FRMD6: variants seen among roughly 807,000 people sequenced by gnomAD.
FRMD6 encodes FERM domain containing 6.
Under a neutral mutation model 73.2 loss-of-function variants are expected in FRMD6, and 37 were observed. That is an observed-to-expected ratio of 0.51 (90% CI 0.39 to 0.66). The LOEUF (loss-of-function observed/expected upper bound fraction) is 0.66, where lower values mean the gene tolerates loss of function less well. Among genes scored for constraint, FRMD6 ranks in the 30% least tolerant of loss-of-function variants. FRMD6 has a pLI of 0.00. For synonymous variants in FRMD6, 273 were observed against 282.2 expected, an observed-to-expected ratio of 0.97 and a Z score of 0.33; for missense variants, 714 against 780.5, an observed-to-expected ratio of 0.91 and a Z score of 1.02.
In FRMD6 at chr14:51,591,270, G is replaced by GAAAAC. The variant is rs556396607; in HGVS notation, c.-147+20879_-147+20883dup. Among the ~76,000 whole-genome samples, 302 of 151,210 alleles carry GAAAAC rather than the reference G, an allele frequency of 2.0e-3. 2 individuals are homozygous for GAAAAC. The highest frequency in any genetic ancestry group is 6.8e-3 in the Middle Eastern group (2 of 294). ...ACACACAGAAGAAGTGATGCTGGCA[G>GAAAAC]AAAACAAAACAAAACAAAACAAACA... On this transcript the variant is annotated intron_variant, in intron 2 of 14. Coordinates refer to the FRMD6 transcript ENST00000356218.
rs1896739850 is a variant in FRMD6, at chr14:51,708,192, C to T, written c.673C>T (p.Arg225Ter). ...AHLKYIKEAV[R>*]LDDVAVHYYR... ...TCTTAAATATATCAAAGAGGCTGTCCGACTGGATGACGTCGCTGTTCATTA... is the reference window on the plus strand; with the variant it reads ...TCTTAAATATATCAAAGAGGCTGTCTGACTGGATGACGTCGCTGTTCATTA... Residue 225 changes from arginine to a stop codon, truncating the protein, a stop_gained, in exon 7 of 14, where the codon CGA (arginine) becomes TGA (stop). Transcript: ENST00000344768. LOFTEE classifies it high-confidence loss of function. 6 of 1,613,110 alleles carry T rather than the reference C, an allele frequency of 3.7e-6. No individual in the cohort carries two copies. The highest frequency in any genetic ancestry group is 4.2e-6 in the Non-Finnish European group (5 of 1,179,430).
chr14:51,725,666 G>T, intron 12 of FRMD6, 113 bp from the exon 13 acceptor site: 1 of 743,060 alleles, frequency 1.3e-6, no homozygotes, highest in East Asian at 2.8e-5. Context: ...GAAACTTTTT[G>T]GTAATGGTTA....
At chr14:51,599,097 T>C (rs897290440) in intron 2 of FRMD6, among the ~76,000 whole-genome samples, 1 of 143,408 alleles carries the variant, frequency 7.0e-6, no homozygotes, top group African/African-American at 2.6e-5. Flanking sequence ...GTAATAGCCA[T>C]TCTGACTGGT....
intron 2 of FRMD6, among the ~76,000 whole-genome samples, chr14:51,593,755 T>A (rs969847448): frequency 6.6e-6 from 1 of 152,178 alleles, no homozygotes; most frequent in Non-Finnish European, 1.5e-5. Flanking sequence ...CGTTTCTGGA[T>A]ACCAGACTAC....
intron 2 of FRMD6, among the ~76,000 whole-genome samples, chr14:51,603,944 C>T (rs1383793746): frequency 7.0e-6 from 1 of 142,788 alleles, no homozygotes; most frequent in Non-Finnish European, 1.5e-5. Context: ...TCTTGTGATA[C>T]AAAAAAAAAA....
chr14:51,549,595 C>CTTTTTTTTTTTTTTT lies in FRMD6; in HGVS notation c.-209-20747_-209-20733dup, dbSNP rs35356416. Among the ~76,000 whole-genome samples, 37 of 98,012 alleles carry CTTTTTTTTTTTTTTT rather than the reference C, an allele frequency of 3.8e-4. 1 individual carries two copies. Among genetic ancestry groups the CTTTTTTTTTTTTTTT allele is most frequent in the African/African-American group, 7.0e-4 (17 of 24,440 alleles). The allele number at this position is 98,012 out of a possible 152,430, so 64.3% of individuals were successfully genotyped here. On this transcript the variant is annotated intron_variant, in intron 1 of 14. Coordinates refer to the FRMD6 transcript ENST00000356218. ...TGGAGTATAAACTTTTTTTTTCTTT[C>CTTTTTTTTTTTTTTT]TTTTTTTTTTTTTTTTTTTTGAGAC... is the stretch of plus-strand genomic sequence containing the variant.
chr14:51,677,221 G>T (rs1257664423), intron 1 of FRMD6, among the ~76,000 whole-genome samples: 1 of 152,194 alleles, frequency 6.6e-6, no homozygotes, highest in East Asian at 1.9e-4. Flanking sequence ...TTACCAGAAA[G>T]CTAGCAACTT....
intron 10 of FRMD6, among the ~76,000 whole-genome samples, chr14:51,716,958 T>G (rs1897273039): frequency 6.6e-6 from 1 of 152,232 alleles, no homozygotes; most frequent in African/African-American, 2.4e-5. Flanking sequence ...AGAAGTTGAT[T>G]TGTTCTATCA....
intron 1 of FRMD6, among the ~76,000 whole-genome samples, chr14:51,509,041 C>T (rs111256785): frequency 4.4e-4 from 67 of 152,272 alleles, no homozygotes; most frequent in African/African-American, 1.6e-3. Flanking sequence ...GTCATGAGTT[C>T]AAGAAGTTAT....
the FRMD6 span, among the ~76,000 whole-genome samples, chr14:51,474,068 GC>G: frequency 3.9e-5 from 6 of 152,106 alleles, no homozygotes; most frequent in Admixed American, 3.9e-4. Flanking sequence ...TATGTCACTT[GC>G]CCTAAGTTTA....
chr14:51,425,289 C>T, the FRMD6 span, among the ~76,000 whole-genome samples: 2 of 152,152 alleles, frequency 1.3e-5, no homozygotes, highest in African/African-American at 4.8e-5. Context: ...TCTCCACCAC[C>T]TCGGTTCACA....
chr14:51,501,178 T>C (rs10400789), intron 1 of FRMD6, among the ~76,000 whole-genome samples: 95,800 of 152,110 alleles, frequency 0.63, 31,827 homozygotes, highest in African/African-American at 0.85. Flanking sequence ...GACTTGCTGC[T>C]TCATTTGGGG....
chr14:51,514,527 A>G lies in FRMD6; in HGVS notation c.-210+25107A>G, dbSNP rs548181130. Among the ~76,000 whole-genome samples the G allele has an allele frequency of 3.3e-5, 5 of 152,308 alleles. No individual in the cohort carries two copies. The East Asian group carries it at 9.6e-4, about 29-fold the overall frequency. On this transcript the variant is annotated intron_variant, in intron 1 of 14. Transcript: ENST00000356218. ...TTAAAGTAAAATAAATAAATAAAAA[A>G]AGATAAAATGTGAGTAAGATCAGTT...
intron 2 of FRMD6, among the ~76,000 whole-genome samples, chr14:51,600,406 A>G (rs1889973313): frequency 6.6e-6 from 1 of 152,214 alleles, no homozygotes; most frequent in African/African-American, 2.4e-5. Context: ...AGAGTGCTAT[A>G]ACCAAGGTGA....
At chr14:51,559,922 T>C (rs1404819142) in intron 1 of FRMD6, among the ~76,000 whole-genome samples, 1 of 152,234 alleles carries the variant, frequency 6.6e-6, no homozygotes, top group Non-Finnish European at 1.5e-5. Flanking sequence ...GGATGACTTA[T>C]AAAGCCATTT....
intron 2 of FRMD6, among the ~76,000 whole-genome samples, chr14:51,622,502 T>A (rs1345532053): frequency 6.6e-6 from 1 of 152,108 alleles, no homozygotes; most frequent in Non-Finnish European, 1.5e-5. Flanking sequence ...TCCTTGGTTA[T>A]AGGAGGAACT....
In FRMD6 at chr14:51,702,663, C is replaced by T; in HGVS notation, c.371+75C>T. 4.3e-6 allele frequency: 5 copies of T among 1,150,446 alleles called. No individual in the cohort carries two copies. The South Asian group carries it at 5.3e-5, about 12-fold the overall frequency. 71.3% of individuals were successfully genotyped at this position (1,150,446 alleles called of 1,614,324 possible). On this transcript the variant is annotated intron_variant, in intron 5 of 13. Transcript: ENST00000344768. ...TTTTTCTAACATACCAAATAAGTTA[C>T]GTGTGTTTATTCTTTGTCTTCACCT...
the FRMD6 span, among the ~76,000 whole-genome samples, chr14:51,463,853 C>T: frequency 2.0e-5 from 3 of 152,262 alleles, no homozygotes; most frequent in South Asian, 4.1e-4. Context: ...GGTCTTACTC[C>T]ATTGCTCAGG....
chr14:51,702,801 TAAATG>T (rs954466398), intron 5 of FRMD6, among the ~76,000 whole-genome samples: 1 of 152,032 alleles, frequency 6.6e-6, no homozygotes, highest in African/African-American at 2.4e-5. Context: ...AAATATTTGT[TAAATG>T]AAAGAATGTT....
Sources: gnomAD v4.1 joint callset for allele counts (sites outside exome capture counted in the v4.1 genomes callset) on GRCh38, gnomAD v4.1.1 for gene constraint, MANE v1.5 for transcripts, NCBI Gene and HGNC (gene_info 2026-07-23, HGNC 2026-07-21) for gene names.